Variants in TMEM74 observed in about 807,000 individuals in gnomAD.
TMEM74 encodes transmembrane protein 74.
Under a neutral mutation model 18.1 loss-of-function variants are expected in TMEM74, and 13 were observed. The observed-to-expected ratio is 0.72, with a 90% CI of 0.47 to 1.14. The LOEUF (loss-of-function observed/expected upper bound fraction) is 1.14, where lower values mean the gene tolerates loss of function less well. Ranked by LOEUF, TMEM74 falls within the 50% of genes most tolerant of loss-of-function variation. TMEM74 has a pLI of 0.00. For synonymous variants in TMEM74, 159 were observed against 146.6 expected, an observed-to-expected ratio of 1.08 and a Z score of -0.61; for missense variants, 372 against 375.9, an observed-to-expected ratio of 0.99 and a Z score of 0.09.
chr8:108,767,552 C>A (rs1368753442), intron 1 of TMEM74, among the ~76,000 whole-genome samples: 1 of 152,108 alleles, frequency 6.6e-6, no homozygotes, highest in African/African-American at 2.4e-5. Context: ...ATATACAGAT[C>A]TGTGTGACAA....
intron 1 of TMEM74, among the ~76,000 whole-genome samples, chr8:108,761,618 G>T (rs955138833): frequency 6.6e-6 from 1 of 152,142 alleles, no homozygotes; most frequent in Non-Finnish European, 1.5e-5. Flanking sequence ...CAAGGTCTTT[G>T]TTCAGAGAAG....
At position 108,744,546 on chromosome 8, in the gene TMEM74, T is replaced by C. The variant is rs150827521; in HGVS notation, n.119+42930A>G. Among the ~76,000 whole-genome samples the C allele has an allele frequency of 3.8e-3, 575 of 152,232 alleles. 2 individuals are homozygous for C. Among genetic ancestry groups the C allele is most frequent in the Middle Eastern group, 0.014 (4 of 294 alleles). On this transcript the variant is annotated intron_variant and non_coding_transcript_variant, in intron 1 of 3. Transcript: ENST00000518838. ...GTTACATTCCTATGAGACACATTAG[T>C]GCATAGTAAATCTACATTTTACGTA... is the stretch of plus-strand genomic sequence containing the variant.
intron 1 of TMEM74, among the ~76,000 whole-genome samples, chr8:108,730,283 T>C (rs1276991809): frequency 6.6e-6 from 1 of 152,186 alleles, no homozygotes; most frequent in Non-Finnish European, 1.5e-5. Context: ...CCACCTAGGA[T>C]GCTCTCTGAT....
At chr8:108,767,009 C>G (rs1395697099) in intron 1 of TMEM74, among the ~76,000 whole-genome samples, 3 of 152,160 alleles carry the variant, frequency 2.0e-5, no homozygotes, top group African/African-American at 7.2e-5. Context: ...TTACACGGTA[C>G]CCACCCAGAT....
intron 1 of TMEM74, among the ~76,000 whole-genome samples, chr8:108,717,810 G>C (rs1018227995): frequency 6.6e-6 from 1 of 152,052 alleles, no homozygotes; most frequent in African/African-American, 2.4e-5. Context: ...GCCTTGAGTG[G>C]CGTAAGGGAG....
chr8:108,769,561 ACT>A (rs1166326301), intron 1 of TMEM74, among the ~76,000 whole-genome samples: 4 of 149,122 alleles, frequency 2.7e-5, no homozygotes, highest in Non-Finnish European at 6.0e-5. Flanking sequence ...TGTACTTTCC[ACT>A]CTCTCTCTCT....
intron 2 of TMEM74, among the ~76,000 whole-genome samples, chr8:108,634,036 C>A (rs983917750): frequency 3.9e-5 from 6 of 151,960 alleles, no homozygotes; most frequent in Non-Finnish European, 7.4e-5. Flanking sequence ...CAATTTACCA[C>A]GTAGAAGATG....
At chr8:108,702,114 G>A (rs1234901035) in intron 1 of TMEM74, among the ~76,000 whole-genome samples, 1 of 152,018 alleles carries the variant, frequency 6.6e-6, no homozygotes, top group African/African-American at 2.4e-5. Context: ...GGAGGATGAG[G>A]TGGGCGGATC....
chr8:108,714,378 A>G (rs1813502776), intron 1 of TMEM74, among the ~76,000 whole-genome samples: 1 of 152,206 alleles, frequency 6.6e-6, no homozygotes, highest in African/African-American at 2.4e-5. Context: ...AGTTCAAAAT[A>G]CTAGGATAGT....
chr8:108,666,774 A>G (rs1393800013), intron 1 of TMEM74, among the ~76,000 whole-genome samples: 1 of 152,162 alleles, frequency 6.6e-6, no homozygotes, highest in African/African-American at 2.4e-5. Flanking sequence ...GTGGCTTAAA[A>G]GCAACTAACC....
At chr8:108,757,192 A>G (rs1409415584) in intron 1 of TMEM74, among the ~76,000 whole-genome samples, 1 of 152,050 alleles carries the variant, frequency 6.6e-6, no homozygotes, top group East Asian at 1.9e-4. Context: ...GGGGTCTAAA[A>G]CACCTCATCC....
At chr8:108,757,592 G>A (rs1414104606) in intron 1 of TMEM74, among the ~76,000 whole-genome samples, 1 of 151,874 alleles carries the variant, frequency 6.6e-6, no homozygotes, top group Non-Finnish European at 1.5e-5. Flanking sequence ...CATGTTTGCT[G>A]ATATAAATTG....
chr8:108,724,044 T>G (rs1813610747), intron 1 of TMEM74, among the ~76,000 whole-genome samples: 1 of 152,198 alleles, frequency 6.6e-6, no homozygotes, highest in South Asian at 2.1e-4. Context: ...CTTTGCTGTT[T>G]CCTTCACACA....
intron 1 of TMEM74, among the ~76,000 whole-genome samples, chr8:108,683,914 G>A (rs1586259729): frequency 6.6e-6 from 1 of 152,100 alleles, no homozygotes; most frequent in South Asian, 2.1e-4. Flanking sequence ...CATCCATGCT[G>A]CTGCAAGTGA....
At chr8:108,716,002 A>T (rs1427218717) in intron 1 of TMEM74, among the ~76,000 whole-genome samples, 2 of 152,116 alleles carry the variant, frequency 1.3e-5, no homozygotes, top group Admixed American at 1.3e-4. Context: ...AAACATGTTT[A>T]TATGGCAAAT....
intron 1 of TMEM74, among the ~76,000 whole-genome samples, chr8:108,738,938 C>G (rs1813773313): frequency 6.6e-6 from 1 of 152,036 alleles, no homozygotes; most frequent in Non-Finnish European, 1.5e-5. Context: ...ATAATGTTTT[C>G]CTTTAAAAAT....
intron 1 of TMEM74, among the ~76,000 whole-genome samples, chr8:108,710,705 G>A (rs535752969): frequency 1.2e-4 from 19 of 152,262 alleles, no homozygotes; most frequent in South Asian, 1.2e-3. Context: ...CTCTCTTGCC[G>A]TCAGGGTCAG....
At chr8:108,723,813 G>A (rs1813608402) in intron 1 of TMEM74, among the ~76,000 whole-genome samples, 1 of 152,084 alleles carries the variant, frequency 6.6e-6, no homozygotes, top group East Asian at 1.9e-4. Context: ...TCCTCACATG[G>A]CAAGAAAAAG....
intron 1 of TMEM74, among the ~76,000 whole-genome samples, chr8:108,689,510 T>C (rs1395577004): frequency 6.6e-6 from 1 of 152,234 alleles, no homozygotes; most frequent in Non-Finnish European, 1.5e-5. Flanking sequence ...ATTGACTTAA[T>C]TGCCTCATTT....
Sources: gnomAD v4.1 joint callset for allele counts (sites outside exome capture counted in the v4.1 genomes callset) on GRCh38, gnomAD v4.1.1 for gene constraint, MANE v1.5 for transcripts, NCBI Gene and HGNC (gene_info 2026-07-23, HGNC 2026-07-21) for gene names.